Variants in FER1L6 observed in about 807,000 individuals in gnomAD.
The protein encoded by FER1L6 is fer-1-like protein 6.
A neutral mutation model predicts 219.2 loss-of-function variants in FER1L6; 177 were observed. The ratio of observed to expected loss-of-function variants is 0.81; its 90% CI spans 0.71 to 0.91. FER1L6 has a LOEUF of 0.91. FER1L6 is among the 40% of genes least tolerant of loss of function. The pLI is 0.00. For missense variants in FER1L6, 2,153 were observed against 2,259.9 expected (o/e 0.95, Z 0.96); for synonymous variants, 768 against 824.3 (o/e 0.93, Z 1.17).
At chr8:124,095,463 A>T (rs1400677473) in intron 35 of FER1L6, among the ~76,000 whole-genome samples, 1 of 152,224 alleles carries the variant, frequency 6.6e-6, no homozygotes, top group Non-Finnish European at 1.5e-5. Context: ...ACAGCCTAGT[A>T]ATAACACACA....
At chr8:123,922,979 C>CG (rs376473110) in intron 1 of FER1L6, among the ~76,000 whole-genome samples, 1 of 152,150 alleles carries the variant, frequency 6.6e-6, no homozygotes, top group Non-Finnish European at 1.5e-5. Context: ...ACAGCCCCCC[C>CG]CCAGACCCCC....
In FER1L6 at chr8:123,961,286, TA is replaced by T. The variant is rs1815264563; in HGVS notation, c.77-1991del. 2.6e-5 allele frequency among the ~76,000 whole-genome samples: 4 copies of T among 152,138 alleles called. No individual in the cohort carries two copies. The South Asian group carries it at 8.3e-4, about 32-fold the overall frequency. Reference sequence around the variant, plus strand: ...GTCTCCAAAAAATTAAAAAGAAATGTAGAAGCTTGGGCCCCACCCAGACCTA... The same window carrying T: ...GTCTCCAAAAAATTAAAAAGAAATGTGAAGCTTGGGCCCCACCCAGACCTA... On this transcript the variant is annotated intron_variant, in intron 2 of 40. Coordinates refer to ENST00000522917, the MANE Select transcript of FER1L6 (RefSeq NM_001039112.2).
intron 37 of FER1L6, among the ~76,000 whole-genome samples, chr8:124,100,315 A>C (rs557554576): frequency 5.7e-4 from 87 of 152,246 alleles, no homozygotes; most frequent in Non-Finnish European, 1.1e-3. Flanking sequence ...GAGGAAGACC[A>C]GATAATACTA....
rs143949186 is a variant in FER1L6, at chr8:123,905,532, C to A, written c.-7-50460C>A. ...TTTTTGCTATTGTGAATAGTCTCAGCCCCACTTTTTGTAGCAGAAGAATAC... is the reference window on the plus strand; with the variant it reads ...TTTTTGCTATTGTGAATAGTCTCAGACCCACTTTTTGTAGCAGAAGAATAC... On this transcript the variant is annotated intron_variant, in intron 1 of 40. Coordinates refer to ENST00000522917, the MANE Select transcript of FER1L6 (RefSeq NM_001039112.2). Among the ~76,000 whole-genome samples, 4 of 152,208 alleles carry A rather than the reference C, an allele frequency of 2.6e-5. No homozygotes were observed. In the East Asian group the frequency reaches 7.7e-4, roughly 29 times the overall value.
chr8:123,880,098 A>G (rs1381879425), intron 1 of FER1L6, among the ~76,000 whole-genome samples: 1 of 152,126 alleles, frequency 6.6e-6, no homozygotes, highest in Admixed American at 6.5e-5. Flanking sequence ...TCTCGGAGAA[A>G]GCATCCCCTA....
At chr8:123,931,167 G>A (rs915422568) in intron 1 of FER1L6, among the ~76,000 whole-genome samples, 1 of 152,178 alleles carries the variant, frequency 6.6e-6, no homozygotes, top group South Asian at 2.1e-4. Context: ...TGTATCTCAT[G>A]GGGAAAATGA....
chr8:124,028,877 G>A (rs1476991242), intron 18 of FER1L6, among the ~76,000 whole-genome samples: 1 of 152,196 alleles, frequency 6.6e-6, no homozygotes, highest in Non-Finnish European at 1.5e-5. Context: ...CTATCAACCT[G>A]TCATCTAGGT....
intron 12 of FER1L6, among the ~76,000 whole-genome samples, chr8:123,990,986 T>C (rs1816831239): frequency 6.6e-6 from 1 of 152,212 alleles, no homozygotes; most frequent in Non-Finnish European, 1.5e-5. Flanking sequence ...TCCAAATTAA[T>C]GTTTTGTATG....
chr8:123,876,495 G>GT (rs1330396728), intron 1 of FER1L6, among the ~76,000 whole-genome samples: 2 of 148,074 alleles, frequency 1.4e-5, no homozygotes, highest in African/African-American at 2.5e-5. Context: ...CATTTTTTTT[G>GT]TTTTTTGTTT....
rs182687790 is a variant in FER1L6 at position 124,077,855 on chromosome 8, A to G, written c.4220+1530A>G. ...CAAAAGTTTCCAGCACAATCCCACA[A>G]TGTTCCAGCAGGAAGAGAAGAGGGT... On this transcript the variant is annotated intron_variant, in intron 32 of 40. Coordinates refer to ENST00000522917, the MANE Select transcript of FER1L6 (RefSeq NM_001039112.2). Among the ~76,000 whole-genome samples, 36 of 152,342 alleles carry G rather than the reference A, an allele frequency of 2.4e-4. No individual in the cohort carries two copies. In the East Asian group the frequency reaches 6.0e-3, roughly 25 times the overall value.
At chr8:123,951,805 G>A (rs1441012266) in intron 1 of FER1L6, among the ~76,000 whole-genome samples, 1 of 152,222 alleles carries the variant, frequency 6.6e-6, no homozygotes, top group African/African-American at 2.4e-5. Flanking sequence ...TGGGTGTTAT[G>A]GCTTTGGGTT....
intron 22 of FER1L6, among the ~76,000 whole-genome samples, chr8:124,059,376 G>A (rs1820454107): frequency 6.6e-6 from 1 of 152,128 alleles, no homozygotes; most frequent in Non-Finnish European, 1.5e-5. Context: ...AGGACATGTT[G>A]CATTCAAAAG....
intron 15 of FER1L6, among the ~76,000 whole-genome samples, chr8:124,015,044 C>T (rs1818123213): frequency 6.6e-6 from 1 of 152,164 alleles, no homozygotes; most frequent in Admixed American, 6.5e-5. Context: ...GGAGGCCACC[C>T]TCAATGCCTT....
chr8:123,902,211 C>T (rs1812871823), intron 1 of FER1L6, among the ~76,000 whole-genome samples: 1 of 152,060 alleles, frequency 6.6e-6, no homozygotes, highest in African/African-American at 2.4e-5. Flanking sequence ...TATTGAGGCT[C>T]ATTTTATGGC....
intron 26 of FER1L6, among the ~76,000 whole-genome samples, chr8:124,065,409 A>AAAG (rs1381646314): frequency 1.3e-5 from 2 of 151,570 alleles, no homozygotes; most frequent in East Asian, 3.9e-4. Flanking sequence ...TCAAAAAAAA[A>AAAG]AAAAAAAAAA....
chr8:123,948,758 G>A (rs972488699), intron 1 of FER1L6, among the ~76,000 whole-genome samples: 7 of 151,088 alleles, frequency 4.6e-5, no homozygotes, highest in African/African-American at 1.7e-4. Flanking sequence ...TTAAATAGAC[G>A]GGAAATAGCA....
chr8:123,940,626 C>T (rs1242635004), intron 1 of FER1L6, among the ~76,000 whole-genome samples: 1 of 152,228 alleles, frequency 6.6e-6, no homozygotes, highest in African/African-American at 2.4e-5. Flanking sequence ...GTGTGAGCCA[C>T]TGCACCTGCT....
At chr8:124,013,648 A>G (rs1818047569) in intron 15 of FER1L6, 117 bp downstream of exon 15, 1 of 525,136 alleles carries the variant, frequency 1.9e-6, no homozygotes, top group South Asian at 3.4e-5. Flanking sequence ...AGAGTGCTGT[A>G]TCCATCTTAA....
At chr8:123,864,227 T>G (rs1479551640) in intron 1 of FER1L6, among the ~76,000 whole-genome samples, 1 of 150,734 alleles carries the variant, frequency 6.6e-6, no homozygotes, top group Non-Finnish European at 1.5e-5. Flanking sequence ...TTATTTCTCC[T>G]TCACTTATGA....
Sources: allele counts gnomAD v4.1 joint callset (sites outside exome capture counted in the v4.1 genomes callset), GRCh38; gene constraint gnomAD v4.1.1; transcripts MANE v1.5; gene names NCBI Gene and HGNC (gene_info 2026-07-23, HGNC 2026-07-21).